Variants in QTGAL observed in about 807,000 individuals in gnomAD.
QTGAL encodes queuosine-tRNA galactosyltransferase.
chr17:83,016,010 GA>G, the QTGAL span, among the ~76,000 whole-genome samples: 376 of 152,296 alleles, frequency 2.5e-3, 1 homozygote, highest in Middle Eastern at 0.01. Flanking sequence ...TTTTTGGGGG[GA>G]AGTCGAGGTG....
At chr17:83,044,945 CAA>C in the QTGAL span, among the ~76,000 whole-genome samples, 2 of 131,802 alleles carry the variant, frequency 1.5e-5, no homozygotes, top group Admixed American at 7.8e-5. Flanking sequence ...GACTCTGTCT[CAA>C]AAAAAAAAAA....
chr17:83,047,358 T>C, the QTGAL span, among the ~76,000 whole-genome samples: 17 of 152,236 alleles, frequency 1.1e-4, no homozygotes, highest in African/African-American at 3.9e-4. Context: ...ACCCTGGGGG[T>C]TCCAAATATG....
At chr17:82,979,536 C>G in the QTGAL span, 2 of 152,122 alleles carry the variant, frequency 1.3e-5, no homozygotes, top group Non-Finnish European at 2.9e-5. Context: ...TTGCCTAAAA[C>G]AAATACTTAG....
the QTGAL span, among the ~76,000 whole-genome samples, chr17:83,013,123 T>C: frequency 3.3e-5 from 5 of 152,106 alleles, no homozygotes; most frequent in South Asian, 1.0e-3. Context: ...GTGACCCTTT[T>C]AAGAATCTGC....
At chr17:83,005,092 A>C in the QTGAL span, 1 of 1,579,294 alleles carries the variant, frequency 6.3e-7, no homozygotes. This position sits in a 1 kb window ranked among gnomAD's most constrained non-coding sequence, Gnocchi z 5.6. Flanking sequence ...CACCTGCCCC[A>C]GACAAGGCGC....
chr17:83,004,864 T>G, the QTGAL span, among the ~76,000 whole-genome samples: 1 of 150,920 alleles, frequency 6.6e-6, no homozygotes, highest in Non-Finnish European at 1.5e-5. Flanking sequence ...TAAGTGGACC[T>G]GTGCGGTCGG....
chr17:83,035,692 G>C, the QTGAL span, among the ~76,000 whole-genome samples: 1 of 152,168 alleles, frequency 6.6e-6, no homozygotes, highest in Non-Finnish European at 1.5e-5. Flanking sequence ...ACTGAGTACA[G>C]CACTAAGCTA....
At chr17:82,997,936 T>G in the QTGAL span, among the ~76,000 whole-genome samples, 1 of 147,778 alleles carries the variant, frequency 6.8e-6, no homozygotes, top group Non-Finnish European at 1.5e-5. Context: ...AAAAAATATA[T>G]ATATATATAT....
At chr17:83,049,417 T>G in the QTGAL span, among the ~76,000 whole-genome samples, 1 of 150,816 alleles carries the variant, frequency 6.6e-6, no homozygotes, top group East Asian at 1.9e-4. Flanking sequence ...GGTTGGTTTT[T>G]TTTTTTTTTT....
At chr17:82,956,903 T>C in the QTGAL span, 59 of 1,124,748 alleles carry the variant, frequency 5.2e-5, no homozygotes, top group South Asian at 4.5e-4. The surrounding 1 kb of genome is among the most constrained non-coding windows in gnomAD (Gnocchi z 5.7). Context: ...CGTGCCAGGG[T>C]CACAGACTGC....
the QTGAL span, chr17:83,048,744 G>T: frequency 6.2e-7 from 1 of 1,614,062 alleles, no homozygotes. Context: ...TCAAACATTC[G>T]TCCAGCCACG....
the QTGAL span, chr17:82,948,274 T>C: frequency 6.6e-5 from 10 of 152,058 alleles, no homozygotes; most frequent in African/African-American, 2.4e-4. Context: ...CCCAGCCCAG[T>C]GTGAGGGAGC....
At chr17:82,989,105 T>G in the QTGAL span, among the ~76,000 whole-genome samples, 1 of 152,138 alleles carries the variant, frequency 6.6e-6, no homozygotes, top group African/African-American at 2.4e-5. Context: ...TCAACCCAAA[T>G]GCCCATCAAT....
chr17:82,975,958 GTC>G, the QTGAL span, among the ~76,000 whole-genome samples: 1 of 48,044 alleles, frequency 2.1e-5, no homozygotes. Flanking sequence ...ACTATGGAGA[GTC>G]AGGGCCCCGG....
the QTGAL span, chr17:82,957,388 GGT>G: frequency 5.0e-6 from 8 of 1,613,246 alleles, no homozygotes; most frequent in Non-Finnish European, 6.8e-6. Context: ...GTCAAGCTGC[GGT>G]ACAGCCGGCG....
the QTGAL span, among the ~76,000 whole-genome samples, chr17:82,997,224 TG>T: frequency 1.3e-5 from 2 of 152,192 alleles, no homozygotes; most frequent in Non-Finnish European, 2.9e-5. Context: ...CGATTAAATG[TG>T]GGCAAAAGAT....
the QTGAL span, among the ~76,000 whole-genome samples, chr17:82,991,265 A>G: frequency 3.3e-5 from 5 of 152,144 alleles, no homozygotes; most frequent in African/African-American, 4.8e-5. Context: ...GTCCCTACCC[A>G]AATCTCATCT....
chr17:82,983,030 C>T, the QTGAL span, among the ~76,000 whole-genome samples: 2 of 152,174 alleles, frequency 1.3e-5, no homozygotes, highest in Non-Finnish European at 2.9e-5. Context: ...CCTGTAATCC[C>T]AGCACTTCGG....
chr17:82,998,767 T>C, the QTGAL span, among the ~76,000 whole-genome samples: 1 of 152,068 alleles, frequency 6.6e-6, no homozygotes, highest in Non-Finnish European at 1.5e-5. Context: ...TATAAACAAC[T>C]CTTAAAATTC....
Sources: gnomAD v4.1 joint callset for allele counts (sites outside exome capture counted in the v4.1 genomes callset) on GRCh38, gnomAD v4.1.1 for gene constraint, Gnocchi (gnomAD v3.1) non-coding constraint, MANE v1.5 for transcripts, NCBI Gene and HGNC (gene_info 2026-07-23, HGNC 2026-07-21) for gene names.